The following FGD3 variants were observed in gnomAD, a reference collection of about 807,000 sequenced individuals.
FGD3 encodes FYVE, RhoGEF and PH domain containing 3.
FGD3 carries 45 observed loss-of-function variants against 71.8 expected under a neutral mutation model. The ratio of observed to expected loss-of-function variants is 0.63; its 90% CI spans 0.49 to 0.80. The LOEUF (loss-of-function observed/expected upper bound fraction) is 0.80. Among genes scored for constraint, FGD3 ranks in the 30% least tolerant of loss-of-function variants. The pLI, the probability that FGD3 is intolerant of heterozygous loss-of-function variation, is 0.00. For missense variants in FGD3, 844 were observed against 951.5 expected (o/e 0.89, Z 1.49); for synonymous variants, 378 against 392.8 (o/e 0.96, Z 0.44).
At chr9:92,966,975 G>C (rs79892454) in intron 1 of FGD3, among the ~76,000 whole-genome samples, 17 of 115,342 alleles carry the variant, frequency 1.5e-4, no homozygotes, top group African/African-American at 4.7e-4. Context: ...TTTTTTTTTT[G>C]GGGGGGGATG....
intron 3 of FGD3, among the ~76,000 whole-genome samples, chr9:92,987,548 G>C (rs538979488): frequency 5.3e-5 from 8 of 152,300 alleles, no homozygotes; most frequent in Admixed American, 2.6e-4. Flanking sequence ...GGAGGGCCAT[G>C]GGTGCCTCAG....
chr9:93,019,038 G>A (rs570614272), intron 11 of FGD3, among the ~76,000 whole-genome samples: 14 of 152,142 alleles, frequency 9.2e-5, no homozygotes, highest in Non-Finnish European at 1.8e-4. Flanking sequence ...AAAACCCAAC[G>A]GGGTTTCACC....
At position 93,013,901 on chromosome 9, in the gene FGD3, A is replaced by C; in HGVS notation, c.1085A>C (p.Glu362Ala). The change falls in exon 9 of 18, where the codon GAA (glutamate) becomes GCA (alanine). Residue 362 changes from glutamate to alanine, a missense_variant. Physicochemically the swap from Glu to Ala is moderately radical, Grantham distance 107. Coordinates refer to ENST00000375482, the MANE Select transcript of FGD3 (RefSeq NM_001083536.2). Reference protein sequence around the residue: ...LEVYEQLGGEEDIVNPANELI... With the variant: ...LEVYEQLGGEADIVNPANELI... ...GTGTACGAGCAGCTGGGTGGGGAAG[A>C]AGACATTGTCAACCCGGCCAATGAA... The C allele has an allele frequency of 1.9e-6, 3 of 1,612,784 alleles. No individual in the cohort carries two copies. Among genetic ancestry groups the C allele is most frequent in the Middle Eastern group, 1.7e-4 (1 of 6,054 alleles).
chr9:92,999,021 T>G (rs1282641715), intron 3 of FGD3, among the ~76,000 whole-genome samples: 1 of 152,206 alleles, frequency 6.6e-6, no homozygotes, highest in Non-Finnish European at 1.5e-5. Context: ...GACGTTTAAC[T>G]CTGCAGAAGT....
intron 14 of FGD3, 44 bp from the exon 15 acceptor site, chr9:93,029,830 A>C: frequency 5.0e-6 from 8 of 1,598,212 alleles, no homozygotes; most frequent in Non-Finnish European, 6.8e-6. Flanking sequence ...GGTAGGGTGC[A>C]CACATGATTC....
intron 15 of FGD3, 130 bp downstream of exon 15, chr9:93,030,126 G>A (rs928040501): frequency 4.6e-6 from 5 of 1,077,600 alleles, no homozygotes; most frequent in African/African-American, 1.6e-5. Context: ...TCCTGATCCT[G>A]GCTCATGGAT....
chr9:92,951,606 T>A (rs1858955827), intron 1 of FGD3, among the ~76,000 whole-genome samples: 1 of 152,202 alleles, frequency 6.6e-6, no homozygotes, highest in Admixed American at 6.5e-5. Flanking sequence ...AACCCAGAGG[T>A]TGAGGCTGCA....
At chr9:93,020,674 A>C in intron 13 of FGD3, 1 of 463,248 alleles carries the variant, frequency 2.2e-6, no homozygotes, top group Non-Finnish European at 4.0e-6. Context: ...TGAGACCAGA[A>C]TAGGTCCAGA....
chr9:93,022,485 AC>A, intron 14 of FGD3, 96 bp downstream of exon 14: 1 of 1,346,164 alleles, frequency 7.4e-7, no homozygotes, highest in Non-Finnish European at 1.0e-6. Flanking sequence ...GGAGGGTCAG[AC>A]CAGGGCCTCC....
chr9:92,962,587 ACTC>A (rs1039334807), intron 1 of FGD3, among the ~76,000 whole-genome samples: 1 of 151,826 alleles, frequency 6.6e-6, no homozygotes, highest in African/African-American at 2.4e-5. Context: ...TCTCACAAAA[ACTC>A]CACCACATGC....
At chr9:92,965,028 G>A (rs1859264159) in intron 1 of FGD3, among the ~76,000 whole-genome samples, 1 of 152,244 alleles carries the variant, frequency 6.6e-6, no homozygotes, top group African/African-American at 2.4e-5. Context: ...AGCACCCCGT[G>A]CTGTGCCTGG....
intron 14 of FGD3, among the ~76,000 whole-genome samples, chr9:93,023,063 GC>G (rs1199733790): frequency 2.0e-5 from 3 of 152,192 alleles, no homozygotes; most frequent in African/African-American, 7.2e-5. Flanking sequence ...CATCATTGGT[GC>G]CCAGGCCTGG....
intron 1 of FGD3, among the ~76,000 whole-genome samples, chr9:92,962,532 G>A (rs191038108): frequency 1.0e-3 from 156 of 152,324 alleles, no homozygotes; most frequent in African/African-American, 3.6e-3. Context: ...TCAGATGTTG[G>A]TGGCTGGGAT....
chr9:93,005,533 G>A (rs776298579), intron 5 of FGD3, among the ~76,000 whole-genome samples: 5 of 152,120 alleles, frequency 3.3e-5, no homozygotes, highest in South Asian at 2.1e-4. Context: ...GGTCAAAGAC[G>A]ATTAGTATAT....
intron 14 of FGD3, among the ~76,000 whole-genome samples, chr9:93,023,198 C>G (rs1236305228): frequency 6.6e-6 from 1 of 152,186 alleles, no homozygotes; most frequent in Admixed American, 6.5e-5. Flanking sequence ...CCAGGAATGA[C>G]ATGGCCCCAG....
chr9:93,011,339 T>C, intron 8 of FGD3, 67 bp downstream of exon 8: 2 of 1,579,112 alleles, frequency 1.3e-6, no homozygotes, highest in Non-Finnish European at 1.7e-6. Context: ...GGGGCCCTTG[T>C]GGGCCAGCCC....
intron 1 of FGD3, among the ~76,000 whole-genome samples, chr9:92,965,440 C>T (rs531843747): frequency 6.6e-6 from 1 of 152,334 alleles, no homozygotes; most frequent in South Asian, 2.1e-4. Flanking sequence ...GGCCCCAGAG[C>T]CGGGTGGGGC....
At chr9:92,999,250 G>A (rs181336679) in intron 3 of FGD3, among the ~76,000 whole-genome samples, 7 of 152,336 alleles carry the variant, frequency 4.6e-5, no homozygotes, top group South Asian at 2.1e-4. Context: ...GCAAGGCTCC[G>A]TGGGCGTGGG....
intron 10 of FGD3, 37 bp downstream of exon 10, chr9:93,015,866 G>C: frequency 6.3e-7 from 1 of 1,581,474 alleles, no homozygotes; most frequent in African/African-American, 1.3e-5. Context: ...TGTCCCCCTG[G>C]AAGGGGCACT....
Sources: allele counts gnomAD v4.1 joint callset (sites outside exome capture counted in the v4.1 genomes callset), GRCh38; gene constraint gnomAD v4.1.1; transcripts MANE v1.5; gene names NCBI Gene and HGNC (gene_info 2026-07-23, HGNC 2026-07-21).